The following CLMP variants were observed in gnomAD, a reference collection of about 807,000 sequenced individuals.
CLMP encodes the protein CXADR like cell adhesion molecule.
Under a neutral mutation model 45.2 loss-of-function variants are expected in CLMP, and 27 were observed. That is an observed-to-expected ratio of 0.60 (90% CI 0.44 to 0.82). The LOEUF is 0.82. CLMP is among the 40% of genes least tolerant of loss of function. CLMP has a pLI of 0.00. For synonymous variants in CLMP, 167 were observed against 171.4 expected, an observed-to-expected ratio of 0.97 and a Z score of 0.20; for missense variants, 403 against 448.4, an observed-to-expected ratio of 0.90 and a Z score of 0.91.
At chr11:123,180,557 T>C (rs1861755447) in intron 1 of CLMP, among the ~76,000 whole-genome samples, 1 of 151,758 alleles carries the variant, frequency 6.6e-6, no homozygotes, top group Non-Finnish European at 1.5e-5. Flanking sequence ...CTACAGTAAT[T>C]TGTTAAGCAG....
At chr11:123,106,329 G>A (rs555611366) in intron 1 of CLMP, among the ~76,000 whole-genome samples, 120 of 149,280 alleles carry the variant, frequency 8.0e-4, no homozygotes, top group African/African-American at 2.8e-3. Flanking sequence ...AACCTTCAGC[G>A]GGCAGACGGG....
At chr11:123,098,085 C>T in intron 1 of CLMP, 133 bp from the exon 2 acceptor site, 1 of 613,212 alleles carries the variant, frequency 1.6e-6, no homozygotes, top group Non-Finnish European at 2.6e-6. Context: ...AGTCCTAGAC[C>T]AGGTGTACTA....
intron 1 of CLMP, among the ~76,000 whole-genome samples, chr11:123,124,715 T>C (rs1225029072): frequency 6.6e-6 from 1 of 152,200 alleles, no homozygotes; most frequent in Non-Finnish European, 1.5e-5. Flanking sequence ...ATATTCTCCT[T>C]ATTTTGTCCT....
chr11:123,157,969 T>A (rs1301737556), intron 1 of CLMP, among the ~76,000 whole-genome samples: 2 of 151,992 alleles, frequency 1.3e-5, no homozygotes, highest in Non-Finnish European at 2.9e-5. Flanking sequence ...TTTATTACAT[T>A]ATTTTTTTCC....
intron 2 of CLMP, among the ~76,000 whole-genome samples, chr11:123,087,465 T>G (rs1352865765): frequency 6.6e-6 from 1 of 151,978 alleles, no homozygotes; most frequent in African/African-American, 2.4e-5. Context: ...GTGGAGATTA[T>G]GCCACTGCAC....
At chr11:123,175,109 A>G (rs1019882654) in intron 1 of CLMP, among the ~76,000 whole-genome samples, 2 of 152,144 alleles carry the variant, frequency 1.3e-5, no homozygotes, top group South Asian at 2.1e-4. Context: ...CTGCACCACC[A>G]TGCCTGACTT....
intron 1 of CLMP, among the ~76,000 whole-genome samples, chr11:123,136,579 T>C (rs1455710586): frequency 7.1e-6 from 1 of 140,334 alleles, no homozygotes; most frequent in African/African-American, 2.7e-5. Flanking sequence ...TTTTTTTTTT[T>C]TTTTTTGAGA....
rs948395589 is a variant in CLMP, at chr11:123,073,511, A to G, written c.1085T>C (p.Met362Thr). 11 of 1,614,028 alleles carry G rather than the reference A, an allele frequency of 6.8e-6. No individual in the cohort carries two copies. The highest frequency in any genetic ancestry group is 8.5e-6 in the Non-Finnish European group (10 of 1,179,970). The stretch of plus-strand genomic sequence containing the variant: ...GAAGGCTCTGCTCTGGCTGGGGATC[A>G]TGCTGGGTGTGGTTTCTGCTTTGGT... ...NLTKAETTPS[M>T]IPSQSRAFQT... The change falls in exon 7 of 7, where the codon ATG becomes ACG. Residue 362 changes from methionine (M) to threonine (T), a missense_variant. By Grantham distance (81) the Met-to-Thr change is moderately conservative. Transcript: ENST00000448775.
chr11:123,069,932 T>C lies in CLMP; in HGVS notation c.*3542A>G, dbSNP rs1865653267. 1 of 152,208 alleles carries C rather than the reference T, an allele frequency of 6.6e-6. No individual in the cohort carries two copies. The highest frequency in any genetic ancestry group is 1.5e-5 in the Non-Finnish European group (1 of 68,032). 9.4% of individuals were successfully genotyped at this position (152,208 alleles called of 1,614,324 possible). A position where few individuals can be genotyped will look rare whatever the true frequency, so the allele number is the denominator to read the frequency against. ...AGATGCATCCATAATAAATATTTGG[T>C]TTTTGTGATGCTGAAACACAGTCCC... On this transcript the variant is annotated 3_prime_UTR_variant, in exon 7 of 7. Transcript: ENST00000448775.
Position 123,150,480 on chromosome 11 carries a change from A to AAAGAGG in CLMP, c.28+44432_28+44433insCCTCTT, listed in dbSNP as rs764502298. On this transcript the variant is annotated intron_variant, in intron 1 of 6. Transcript: ENST00000448775. ...GAAAGAAAGAAAGAAAGAAAGAAAG[A>AAAGAGG]AAGGAAGGAAGGAAGGAAGGAAGGA... is the stretch of plus-strand genomic sequence containing the variant. 9.5e-4 allele frequency among the ~76,000 whole-genome samples: 39 copies of AAAGAGG among 40,964 alleles called. 1 individual carries two copies. The highest frequency in any genetic ancestry group is 1.4e-3 in the Non-Finnish European group (30 of 21,266). 26.9% of individuals were successfully genotyped at this position (40,964 alleles called of 152,430 possible).
In CLMP at chr11:123,111,298, T is replaced by C. The variant is rs140675677; in HGVS notation, c.29-13346A>G. On this transcript the variant is annotated intron_variant, in intron 1 of 6. Transcript: ENST00000448775. ...GATGCACACCACCACACCCAGCTCA[T>C]TTTTGTGTTTTTAGTAGAGACGGAG... 1.7e-3 allele frequency among the ~76,000 whole-genome samples: 258 copies of C among 152,128 alleles called. 5 individuals are homozygous for C. In the East Asian group the frequency reaches 0.047, roughly 28 times the overall value.
intron 1 of CLMP, among the ~76,000 whole-genome samples, chr11:123,127,193 C>T (rs1860908161): frequency 1.3e-5 from 2 of 152,006 alleles, no homozygotes; most frequent in South Asian, 4.1e-4. Context: ...GTGATCTCAG[C>T]TCGCTGCAAC....
At position 123,073,367 on chromosome 11, in the gene CLMP, AGATGACCTCTCATCTG is replaced by A. The variant is rs1364960494; in HGVS notation, c.*91_*106del. 96 of 1,248,784 alleles carry A rather than the reference AGATGACCTCTCATCTG, an allele frequency of 7.7e-5. No individual in the cohort carries two copies. Among genetic ancestry groups the A allele is most frequent in the Non-Finnish European group, 1.0e-4 (90 of 893,506 alleles). 77.4% of individuals were successfully genotyped at this position (1,248,784 alleles called of 1,614,324 possible). A position where few individuals can be genotyped will look rare whatever the true frequency, so the allele number is the denominator to read the frequency against. ...TTCCGTGCAATGCTCACTGCTACTT[AGATGACCTCTCATCTG>A]GTTGTGTGGCTGGTGACTTGAGCTC... is the stretch of plus-strand genomic sequence containing the variant. On this transcript the variant is annotated 3_prime_UTR_variant, in exon 7 of 7. Coordinates refer to ENST00000448775, the MANE Select transcript of CLMP (RefSeq NM_024769.5).
chr11:123,153,765 C>T (rs367675450), intron 1 of CLMP, among the ~76,000 whole-genome samples: 38 of 152,192 alleles, frequency 2.5e-4, no homozygotes, highest in African/African-American at 8.7e-4. Flanking sequence ...TCACTCCAGC[C>T]TCGACCTCCT....
intron 1 of CLMP, among the ~76,000 whole-genome samples, chr11:123,145,448 G>A (rs1367984646): frequency 8.2e-6 from 1 of 122,576 alleles, no homozygotes; most frequent in African/African-American, 3.5e-5. Context: ...TCAGCTCTGC[G>A]GCTGTTTTTT....
In CLMP at chr11:123,073,378, C is replaced by CTT. The variant is rs1185227819; in HGVS notation, c.*95_*96insAA. The CTT allele has an allele frequency of 2.9e-6, 4 of 1,369,494 alleles. No homozygotes were observed. In the African/African-American group the frequency reaches 4.4e-5, roughly 15 times the overall value. The allele number at this position is 1,369,494 out of a possible 1,614,324, so 84.8% of individuals were successfully genotyped here. A position where few individuals can be genotyped will look rare whatever the true frequency, so the allele number is the denominator to read the frequency against. ...GCTCACTGCTACTTAGATGACCTCT[C>CTT]ATCTGGTTGTGTGGCTGGTGACTTG... On this transcript the variant is annotated 3_prime_UTR_variant, in exon 7 of 7. Coordinates refer to ENST00000448775, the MANE Select transcript of CLMP (RefSeq NM_024769.5).
In CLMP at chr11:123,083,138, G is replaced by C. The variant is rs1865824953; in HGVS notation, c.626C>G (p.Thr209Arg). The change falls in exon 5 of 7, where the codon ACA becomes AGA. Residue 209 changes from threonine to arginine, a missense_variant. Physicochemically the swap from Thr to Arg is moderately conservative, Grantham distance 71. Transcript: ENST00000448775. ...TMSYSGLYQC[T>R]AGNEAGKESC... ...TTCCTTCCCAGCTTCGTTGCCTGCT[G>C]TGCACTGGTACAGTCCAGAGTAGGA... The C allele has an allele frequency of 6.2e-7, 1 of 1,614,126 alleles. No homozygotes were observed. Among genetic ancestry groups the C allele is most frequent in the Non-Finnish European group, 8.5e-7 (1 of 1,180,000 alleles).
chr11:123,155,602 G>T (rs549213076), intron 1 of CLMP, among the ~76,000 whole-genome samples: 3 of 152,260 alleles, frequency 2.0e-5, no homozygotes, highest in East Asian at 1.9e-4. Flanking sequence ...TTTAGTTCCA[G>T]GTCTACTGGT....
intron 1 of CLMP, among the ~76,000 whole-genome samples, chr11:123,129,442 G>A: frequency 7.5e-6 from 1 of 133,074 alleles, no homozygotes; most frequent in Admixed American, 8.0e-5. Context: ...TATATCATAT[G>A]ATATATTATA....
Sources: allele counts gnomAD v4.1 joint callset (sites outside exome capture counted in the v4.1 genomes callset), GRCh38; gene constraint gnomAD v4.1.1; transcripts MANE v1.5; gene names NCBI Gene and HGNC (gene_info 2026-07-23, HGNC 2026-07-21).